Variants in COL4A2 observed in about 807,000 individuals in gnomAD.
COL4A2 encodes the protein collagen type IV alpha 2 chain.
In COL4A2, 99 loss-of-function variants were observed where a neutral mutation model predicts 200.2. The observed-to-expected ratio is 0.49, with a 90% confidence interval of 0.42 to 0.58. The LOEUF is 0.58. COL4A2 is among the 20% of genes least tolerant of loss of function. The probability of loss-of-function intolerance (pLI) is 0.00; values close to 1 mark genes in which losing one functional copy is unlikely to be tolerated. For missense variants in COL4A2, 1,950 were observed against 2,314.1 expected, an observed-to-expected ratio of 0.84 and a Z score of 3.23; for synonymous variants, 897 against 900.6, an observed-to-expected ratio of 1.00 and a Z score of 0.07.
chr13:110,448,298 C>CCAA (rs1881404109), intron 18 of COL4A2, among the ~76,000 whole-genome samples: 1 of 152,142 alleles, frequency 6.6e-6, no homozygotes, highest in African/African-American at 2.4e-5. Flanking sequence ...GACTGAGAAC[C>CCAA]CAACTCTCAC....
intron 24 of COL4A2, 105 bp downstream of exon 24, chr13:110,462,489 T>C (rs1882069254): frequency 9.5e-7 from 1 of 1,051,808 alleles, no homozygotes; most frequent in East Asian, 2.6e-5. Flanking sequence ...TAAACCAACC[T>C]GTGCATAGGA....
chr13:110,314,302 C>A (rs1039170643), intron 3 of COL4A2, among the ~76,000 whole-genome samples: 42 of 152,190 alleles, frequency 2.8e-4, no homozygotes, highest in Admixed American at 2.4e-3. Flanking sequence ...AGCAGCCAGT[C>A]ACATTTGGTG....
At chr13:110,466,191 G>C in intron 26 of COL4A2, 129 bp downstream of exon 26, 1 of 1,087,702 alleles carries the variant, frequency 9.2e-7, no homozygotes, top group Non-Finnish European at 1.3e-6. Context: ...GATTTCCATG[G>C]CACAACATAG....
At chr13:110,376,468 G>GC (rs573846822) in intron 4 of COL4A2, among the ~76,000 whole-genome samples, 39 of 151,566 alleles carry the variant, frequency 2.6e-4, no homozygotes, top group East Asian at 2.3e-3. Context: ...ATAATCATTA[G>GC]CCCCCCCACC....
chr13:110,384,125 T>C (rs1042145510), intron 4 of COL4A2, among the ~76,000 whole-genome samples: 2 of 152,358 alleles, frequency 1.3e-5, no homozygotes, highest in East Asian at 3.9e-4. Flanking sequence ...TTTAGACTTG[T>C]GGCTCACTCT....
At chr13:110,398,278 A>C (rs1879251487) in intron 4 of COL4A2, among the ~76,000 whole-genome samples, 1 of 152,178 alleles carries the variant, frequency 6.6e-6, no homozygotes, top group Admixed American at 6.5e-5. Flanking sequence ...TTATGAGGAA[A>C]ACTCAACTGC....
rs191702837 is a variant in COL4A2, at chr13:110,425,567, A to T, written c.360+570A>T. 1.5e-3 allele frequency among the ~76,000 whole-genome samples: 234 copies of T among 152,340 alleles called. 3 individuals carry two copies. The highest frequency in any genetic ancestry group is 0.014 in the Admixed American group (214 of 15,308). On this transcript the variant is annotated intron_variant, in intron 6 of 47. Transcript: ENST00000360467. The stretch of plus-strand genomic sequence containing the variant: ...ACAGCCTTCTTCACAGGGACCCACG[A>T]GCAGATTTCCCAGGGTTGGCTTCCT...
chr13:110,365,489 A>G (rs1877705614), intron 4 of COL4A2, among the ~76,000 whole-genome samples: 3 of 152,186 alleles, frequency 2.0e-5, no homozygotes. Flanking sequence ...TGGCGCACCA[A>G]AGTATGAACC....
intron 3 of COL4A2, 67 bp from the exon 4 acceptor site, chr13:110,357,405 T>A: frequency 6.5e-7 from 1 of 1,543,652 alleles, no homozygotes; most frequent in East Asian, 2.4e-5. Context: ...ACAGATGATA[T>A]TTTAATACAT....
chr13:110,430,344 AG>A (rs745345255), intron 8 of COL4A2, 56 bp from the exon 9 acceptor site: 12 of 1,592,488 alleles, frequency 7.5e-6, no homozygotes, highest in Non-Finnish European at 9.4e-6. Context: ...ATAAAAGGTA[AG>A]TAAATCTAAA....
chr13:110,497,603 A>C (rs1883500623), intron 40 of COL4A2, among the ~76,000 whole-genome samples: 1 of 103,460 alleles, frequency 9.7e-6, no homozygotes, highest in African/African-American at 3.2e-5. Context: ...CCACCAGCAC[A>C]ACCTCCACTC....
chr13:110,396,368 A>G (rs1385769032), intron 4 of COL4A2, among the ~76,000 whole-genome samples: 6 of 152,224 alleles, frequency 3.9e-5, no homozygotes, highest in African/African-American at 1.4e-4. Context: ...AATAAGAGGG[A>G]CAAGATGGTT....
intron 27 of COL4A2, among the ~76,000 whole-genome samples, chr13:110,467,750 C>T (rs923415820): frequency 2.4e-4 from 37 of 152,300 alleles, no homozygotes; most frequent in Admixed American, 2.2e-3. Context: ...CTGTGAGCAT[C>T]GGGGAACACA....
At position 110,308,130 on chromosome 13, in the gene COL4A2, C is replaced by G. The variant is rs1167797748; in HGVS notation, c.99+7C>G. 23 of 1,613,374 alleles carry G rather than the reference C, an allele frequency of 1.4e-5. No homozygotes were observed. Among genetic ancestry groups the G allele is most frequent in the Middle Eastern group, 1.6e-4 (1 of 6,082 alleles). On this transcript the variant is annotated splice_region_variant and intron_variant, in intron 3 of 47. Coordinates refer to ENST00000360467, the MANE Select transcript of COL4A2 (RefSeq NM_001846.4). The stretch of plus-strand genomic sequence containing the variant: ...CGCCCAGAGCGTCTTGGCGGTAAGT[C>G]CTGGCTCCCGCGCTTGGACTTGCGC...
intron 4 of COL4A2, among the ~76,000 whole-genome samples, chr13:110,368,013 T>A (rs1877831053): frequency 6.6e-6 from 1 of 152,224 alleles, no homozygotes; most frequent in South Asian, 2.1e-4. Flanking sequence ...CTTCCTGCAC[T>A]TGAAGGCCTT....
chr13:110,505,077 G>A lies in COL4A2; in HGVS notation c.4402+813G>A, dbSNP rs190479693. ...TTAAAATTAAACATAGGGGCCGGGC[G>A]CGGTGGCTCACGCCTGTAATCCCAG... On this transcript the variant is annotated intron_variant, in intron 45 of 47. Transcript: ENST00000360467. 6.2e-3 allele frequency among the ~76,000 whole-genome samples: 937 copies of A among 152,046 alleles called. 7 individuals carry two copies. Among genetic ancestry groups the A allele is most frequent in the Non-Finnish European group, 9.4e-3 (639 of 67,960 alleles).
chr13:110,351,952 G>A (rs1876977378), intron 3 of COL4A2, among the ~76,000 whole-genome samples: 1 of 152,170 alleles, frequency 6.6e-6, no homozygotes, highest in South Asian at 2.1e-4. Context: ...TCAACTGTGG[G>A]TACTGAAAAG....
At chr13:110,364,137 G>T (rs900761786) in intron 4 of COL4A2, among the ~76,000 whole-genome samples, 1 of 152,200 alleles carries the variant, frequency 6.6e-6, no homozygotes, top group Non-Finnish European at 1.5e-5. Context: ...CTTAGAAAAA[G>T]AAATCTCCAG....
At chr13:110,434,264 A>T in intron 11 of COL4A2, 137 bp from the exon 12 acceptor site, 1 of 736,598 alleles carries the variant, frequency 1.4e-6, no homozygotes, top group Non-Finnish European at 2.2e-6. Flanking sequence ...AATGCAAAGC[A>T]AGAATATTAT....
Sources: allele counts gnomAD v4.1 joint callset (sites outside exome capture counted in the v4.1 genomes callset), GRCh38; gene constraint gnomAD v4.1.1; transcripts MANE v1.5; gene names NCBI Gene and HGNC (gene_info 2026-07-23, HGNC 2026-07-21).